Variants in ITGA9 observed in about 807,000 individuals in gnomAD.
ITGA9 encodes integrin alpha-9.
ITGA9 carries 56 observed loss-of-function variants against 127.8 expected under a neutral mutation model. That is an observed-to-expected ratio of 0.44 (90% CI 0.35 to 0.55). The LOEUF is 0.55. Among genes scored for constraint, ITGA9 ranks in the 20% least tolerant of loss-of-function variants. The pLI is 0.00. For synonymous variants in ITGA9, 508 were observed against 514.5 expected (o/e 0.99, Z 0.17); for missense variants, 1,196 against 1,347.1 (o/e 0.89, Z 1.76).
At chr3:37,562,180 A>G (rs992338313) in intron 15 of ITGA9, among the ~76,000 whole-genome samples, 4 of 152,094 alleles carry the variant, frequency 2.6e-5, no homozygotes, top group Non-Finnish European at 5.9e-5. Flanking sequence ...CAGCCCATCC[A>G]GCGTTGGATG....
At chr3:37,507,040 G>A (rs896911359) in intron 7 of ITGA9, among the ~76,000 whole-genome samples, 1 of 152,178 alleles carries the variant, frequency 6.6e-6, no homozygotes, top group Non-Finnish European at 1.5e-5. Flanking sequence ...AATTTCTGTG[G>A]ATCCTCCTGG....
intron 15 of ITGA9, among the ~76,000 whole-genome samples, chr3:37,583,113 A>G (rs900086385): frequency 2.0e-5 from 3 of 152,184 alleles, no homozygotes; most frequent in Admixed American, 1.3e-4. Context: ...AATTGCCAAT[A>G]TTGGAAAACT....
At chr3:37,719,866 G>A (rs1701173052) in intron 18 of ITGA9, among the ~76,000 whole-genome samples, 1 of 152,184 alleles carries the variant, frequency 6.6e-6, no homozygotes, top group Non-Finnish European at 1.5e-5. Flanking sequence ...CGTGTGAATA[G>A]ACAGGTCTTC....
chr3:37,525,163 G>A (rs578073690), intron 12 of ITGA9, among the ~76,000 whole-genome samples: 1 of 152,146 alleles, frequency 6.6e-6, no homozygotes, highest in Non-Finnish European at 1.5e-5. Context: ...AGGGAGAAAG[G>A]CATAGAACCA....
At chr3:37,602,656 G>T (rs1035887356) in intron 15 of ITGA9, among the ~76,000 whole-genome samples, 5 of 152,068 alleles carry the variant, frequency 3.3e-5, no homozygotes, top group Admixed American at 3.3e-4. Context: ...GTTACAGAGT[G>T]AATGGGTTCA....
At position 37,785,028 on chromosome 3, in the gene ITGA9, C is replaced by G; in HGVS notation, c.2839C>G (p.Pro947Ala). ...GTCCCGCGCCAAGGTGAAGGTGGAT[C>G]CTGCCCTAAGGGTGGTGGAAATAGC... ...FMSRAKVKVD[P>A]ALRVVEIAHG... Residue 947 changes from proline (P) to alanine (A), a missense_variant, in exon 26 of 28, where the codon CCT becomes GCT. Pro to Ala is a conservative substitution (Grantham distance 27). Transcript: ENST00000264741. 1 of 1,614,124 alleles carries G rather than the reference C, an allele frequency of 6.2e-7. No homozygotes were observed. Among genetic ancestry groups the G allele is most frequent in the Non-Finnish European group, 8.5e-7 (1 of 1,180,002 alleles).
intron 1 of ITGA9, among the ~76,000 whole-genome samples, chr3:37,470,014 C>G (rs1215648547): frequency 9.9e-5 from 15 of 152,236 alleles, no homozygotes; most frequent in Non-Finnish European, 1.5e-5. Context: ...CCAGACTGGT[C>G]TTGAACTCCT....
chr3:37,508,125 T>C (rs1187577414), intron 7 of ITGA9, among the ~76,000 whole-genome samples: 1 of 152,212 alleles, frequency 6.6e-6, no homozygotes, highest in Non-Finnish European at 1.5e-5. Flanking sequence ...ACAGTACTCA[T>C]CTCCACCTAT....
At position 37,822,251 on chromosome 3, in the gene ITGA9, G is replaced by A. The variant is rs1205407509; in HGVS notation, c.*3262G>A. 2 of 152,120 alleles carry A rather than the reference G, an allele frequency of 1.3e-5. No individual in the cohort carries two copies. Among genetic ancestry groups the A allele is most frequent in the African/African-American group, 4.8e-5 (2 of 41,426 alleles). The allele number at this position is 152,120 out of a possible 1,614,324, so 9.4% of individuals were successfully genotyped here. ...ATGTGGTTTTAACCAACTGTTCAGA[G>A]AACTGAAATGGTTTTTAAATATGAA... is the stretch of plus-strand genomic sequence containing the variant. On this transcript the variant is annotated 3_prime_UTR_variant, in exon 28 of 28. Coordinates refer to ENST00000264741, the MANE Select transcript of ITGA9 (RefSeq NM_002207.3).
At chr3:37,692,412 AGTGTGTGT>A (rs59928496) in intron 18 of ITGA9, among the ~76,000 whole-genome samples, 3 of 145,968 alleles carry the variant, frequency 2.1e-5, no homozygotes, top group Non-Finnish European at 3.0e-5. Context: ...AGAGAGAGAG[AGTGTGTGT>A]GTGTGTGTGT....
chr3:37,753,374 G>T lies in ITGA9; in HGVS notation c.2541+2805G>T, dbSNP rs186736042. Among the ~76,000 whole-genome samples, 10 of 152,302 alleles carry T rather than the reference G, an allele frequency of 6.6e-5. No individual in the cohort carries two copies. The East Asian group carries it at 1.3e-3, about 21-fold the overall frequency. ...ACCGTATAACAAATGCAATAATGGA[G>T]GCATGCCCAGACCCCAGGATGCTAC... On this transcript the variant is annotated intron_variant, in intron 23 of 27. Transcript: ENST00000264741.
chr3:37,493,591 C>A (rs151150862), intron 4 of ITGA9, among the ~76,000 whole-genome samples: 1 of 152,334 alleles, frequency 6.6e-6, no homozygotes, highest in African/African-American at 2.4e-5. Flanking sequence ...TGATGGTCTA[C>A]AGAAGTGAAG....
chr3:37,469,584 C>T (rs967992846), intron 1 of ITGA9, among the ~76,000 whole-genome samples: 4 of 152,160 alleles, frequency 2.6e-5, no homozygotes, highest in Non-Finnish European at 4.4e-5. Context: ...AATTGCAACC[C>T]TGCTTTCTCC....
intron 25 of ITGA9, among the ~76,000 whole-genome samples, chr3:37,783,273 G>T (rs375897777): frequency 6.6e-6 from 1 of 152,034 alleles, no homozygotes; most frequent in African/African-American, 2.4e-5. Context: ...GGCCTGTAAC[G>T]TTGGCAATTA....
At chr3:37,676,364 C>T (rs1232191327) in intron 17 of ITGA9, among the ~76,000 whole-genome samples, 1 of 152,198 alleles carries the variant, frequency 6.6e-6, no homozygotes. Flanking sequence ...TCTGTAGCAA[C>T]CATATGGGGC....
intron 23 of ITGA9, among the ~76,000 whole-genome samples, chr3:37,757,357 T>C (rs568282895): frequency 6.1e-4 from 93 of 151,858 alleles, no homozygotes; most frequent in Middle Eastern, 6.8e-3. Context: ...TATATGAAGA[T>C]TTAAAATTTA....
At chr3:37,772,828 C>T (rs528394615) in intron 23 of ITGA9, among the ~76,000 whole-genome samples, 48 of 152,280 alleles carry the variant, frequency 3.2e-4, no homozygotes, top group African/African-American at 1.1e-3. Context: ...TTTCATTCAC[C>T]GCAGACTCAG....
At chr3:37,765,720 A>G (rs758356109) in intron 23 of ITGA9, among the ~76,000 whole-genome samples, 2 of 152,148 alleles carry the variant, frequency 1.3e-5, no homozygotes, top group Non-Finnish European at 2.9e-5. Context: ...ACCCTCTGGA[A>G]GGTGGGGGTA....
At position 37,691,065 on chromosome 3, in the gene ITGA9, C is replaced by T. The variant is rs559405896; in HGVS notation, c.2067+7050C>T. On this transcript the variant is annotated intron_variant, in intron 18 of 27. Coordinates refer to ENST00000264741, the MANE Select transcript of ITGA9 (RefSeq NM_002207.3). ...TTATATTCTCCAGTACTCCTGCCCT[C>T]CCATATGCATGGCAGGAGAGACCTA... 1.7e-3 allele frequency among the ~76,000 whole-genome samples: 259 copies of T among 152,302 alleles called. 3 individuals carry two copies. Among genetic ancestry groups the T allele is most frequent in the African/African-American group, 6.0e-3 (251 of 41,554 alleles).
Sources: allele counts gnomAD v4.1 joint callset (sites outside exome capture counted in the v4.1 genomes callset), GRCh38; gene constraint gnomAD v4.1.1; transcripts MANE v1.5; gene names NCBI Gene and HGNC (gene_info 2026-07-23, HGNC 2026-07-21).